The following ADGRG6 variants were observed in gnomAD, a reference collection of about 807,000 sequenced individuals.
ADGRG6 encodes adhesion G protein-coupled receptor G6.
ADGRG6 carries 84 observed loss-of-function variants against 142.4 expected under a neutral mutation model. The ratio of observed to expected loss-of-function variants is 0.59; its 90% CI spans 0.49 to 0.71. The LOEUF is 0.71. Ranked by LOEUF, ADGRG6 falls within the 30% of genes least tolerant of loss-of-function variation. The pLI is 0.00. For missense variants in ADGRG6, 1,367 were observed against 1,466.6 expected, an observed-to-expected ratio of 0.93 and a Z score of 1.11; for synonymous variants, 521 against 520.5, an observed-to-expected ratio of 1.00 and a Z score of -0.01.
Position 142,318,234 on chromosome 6 carries a change from A to T in ADGRG6, c.103+8590A>T, listed in dbSNP as rs376379437. Among the ~76,000 whole-genome samples, 90 of 44,144 alleles carry T rather than the reference A, an allele frequency of 2.0e-3. 2 individuals carry two copies. Among genetic ancestry groups the T allele is most frequent in the African/African-American group, 0.01 (82 of 8,076 alleles). The allele number at this position is 44,144 out of a possible 152,430, so 29.0% of individuals were successfully genotyped here. A position where few individuals can be genotyped will look rare whatever the true frequency, so the allele number is the denominator to read the frequency against. On this transcript the variant is annotated intron_variant, in intron 2 of 24. Transcript: ENST00000367609. The stretch of plus-strand genomic sequence containing the variant: ...TTTATATATTATATATATTTATATT[A>T]TATATATTTATATATTATATATATT...
intron 2 of ADGRG6, among the ~76,000 whole-genome samples, chr6:142,344,826 G>A (rs1165855943): frequency 6.6e-6 from 1 of 151,958 alleles, no homozygotes; most frequent in African/African-American, 2.4e-5. Context: ...TTCAGTATGA[G>A]TCTACAGTTG....
rs1779620761 is a variant in ADGRG6, at chr6:142,341,440, A to ATATAATATATATAAT, written c.104-26125_104-26124insATATATATAATTATA. On this transcript the variant is annotated intron_variant, in intron 2 of 24. Transcript: ENST00000367609. ...ATATAATTATATAATATATATAATT[A>ATATAATATATATAAT]TATATATAGTATATATAGTATATAT... is the stretch of plus-strand genomic sequence containing the variant. Among the ~76,000 whole-genome samples the ATATAATATATATAAT allele has an allele frequency of 4.2e-5, 5 of 119,386 alleles. No individual in the cohort carries two copies. The East Asian group carries it at 1.0e-3, about 25-fold the overall frequency. 78.3% of individuals were successfully genotyped at this position (119,386 alleles called of 152,430 possible).
rs756867648 is a variant in ADGRG6, at chr6:142,443,528, A to G, written c.*13A>G. The stretch of plus-strand genomic sequence containing the variant: ...CACAAAGTTTTAATGTCTTTAAGAA[A>G]AAGAAATCAATCTGCAGAAATGTGA... On this transcript the variant is annotated 3_prime_UTR_variant, in exon 25 of 25. Coordinates refer to ENST00000367609, the MANE Select transcript of ADGRG6 (RefSeq NM_198569.3). The G allele has an allele frequency of 2.0e-5, 31 of 1,579,582 alleles. No individual in the cohort carries two copies. Among genetic ancestry groups the G allele is most frequent in the East Asian group, 1.1e-4 (5 of 44,516 alleles).
At chr6:142,435,133 A>G (rs879563356) in intron 22 of ADGRG6, among the ~76,000 whole-genome samples, 3 of 152,170 alleles carry the variant, frequency 2.0e-5, no homozygotes, top group Non-Finnish European at 4.4e-5. Context: ...CCTTAAAAGG[A>G]CTGTCATAAG....
rs141900335 is a variant in ADGRG6 at position 142,417,387 on chromosome 6, T to C, written c.3035+18T>C. ...GATGAATTGTAAGTAATAAAAACTT[T>C]TTGTGATGAGTAGATATCCTTTGTT... On this transcript the variant is annotated intron_variant, in intron 21 of 24. Coordinates refer to ENST00000367609, the MANE Select transcript of ADGRG6 (RefSeq NM_198569.3). 5.9e-5 allele frequency: 64 copies of C among 1,085,120 alleles called. No individual in the cohort carries two copies. Among genetic ancestry groups the C allele is most frequent in the Admixed American group, 9.1e-5 (5 of 54,892 alleles). The allele number at this position is 1,085,120 out of a possible 1,614,324, so 67.2% of individuals were successfully genotyped here.
rs1562359895 is a variant in ADGRG6 at position 142,390,353 on chromosome 6, C to CTTT, written c.1308+12_1308+13insTTT. ...CAAGGTGGCAGAATGGGTAAGTGAG[C>CTTT]TTGTAACTTTTCTTTTTTAAAAAAA... On this transcript the variant is annotated intron_variant, in intron 7 of 24. Transcript: ENST00000367609. 1.3e-6 allele frequency: 2 copies of CTTT among 1,519,954 alleles called. No homozygotes were observed. Among genetic ancestry groups the CTTT allele is most frequent in the African/African-American group, 2.8e-5 (2 of 72,126 alleles). 94.2% of individuals were successfully genotyped at this position (1,519,954 alleles called of 1,614,324 possible).
chr6:142,435,740 G>T (rs997171873), intron 22 of ADGRG6, among the ~76,000 whole-genome samples: 4 of 152,080 alleles, frequency 2.6e-5, no homozygotes, highest in African/African-American at 7.2e-5. Context: ...AGGAATAAAT[G>T]AATAAATGAG....
At chr6:142,365,243 C>G (rs1269273255) in intron 2 of ADGRG6, among the ~76,000 whole-genome samples, 1 of 152,164 alleles carries the variant, frequency 6.6e-6, no homozygotes, top group Admixed American at 6.5e-5. Flanking sequence ...CCCAACACCC[C>G]ACCCAAAGAG....
At chr6:142,440,829 C>T (rs1777723550) in intron 24 of ADGRG6, 6 of 728,774 alleles carry the variant, frequency 8.2e-6, no homozygotes, top group Non-Finnish European at 1.2e-5. Context: ...GTATGCAAAA[C>T]GTCACTGCAT....
At chr6:142,410,908 A>C (rs1776047790) in intron 17 of ADGRG6, among the ~76,000 whole-genome samples, 1 of 151,948 alleles carries the variant, frequency 6.6e-6, no homozygotes. Context: ...AAGAAAGCAA[A>C]CCTTCTTTGT....
Position 142,302,349 on chromosome 6 carries a change from G to A in ADGRG6, c.2+18G>A, listed in dbSNP as rs1347784667. On this transcript the variant is annotated intron_variant, in intron 1 of 24. Transcript: ENST00000367609. ...GTCAACATGTAAGTCTCACCTTTCA[G>A]CTTGGAATTCCTTCACTCTTTTATC... The A allele has an allele frequency of 1.2e-6, 2 of 1,612,072 alleles. No homozygotes were observed. The highest frequency in any genetic ancestry group is 1.7e-5 in the Admixed American group (1 of 59,770).
intron 4 of ADGRG6, among the ~76,000 whole-genome samples, chr6:142,378,701 C>T (rs985048047): frequency 2.6e-5 from 4 of 152,252 alleles, no homozygotes; most frequent in East Asian, 1.9e-4. Context: ...TGCATTCACT[C>T]GTCAGACCTT....
At chr6:142,331,794 C>A (rs951417821) in intron 2 of ADGRG6, among the ~76,000 whole-genome samples, 6 of 151,832 alleles carry the variant, frequency 4.0e-5, no homozygotes, top group African/African-American at 1.5e-4. Context: ...TTGCTAGCAC[C>A]CCCTCACTCC....
At chr6:142,329,799 T>C (rs1418838444) in intron 2 of ADGRG6, among the ~76,000 whole-genome samples, 2 of 152,212 alleles carry the variant, frequency 1.3e-5, no homozygotes, top group African/African-American at 4.8e-5. Context: ...CCTTAAGATA[T>C]CTTATTCTTC....
intron 2 of ADGRG6, among the ~76,000 whole-genome samples, chr6:142,344,807 A>G (rs1779816292): frequency 6.6e-6 from 1 of 152,002 alleles, no homozygotes; most frequent in African/African-American, 2.4e-5. Context: ...CATTTCTAAT[A>G]TACTGATATT....
chr6:142,407,764 A>G (rs566762219), intron 15 of ADGRG6, among the ~76,000 whole-genome samples: 1 of 152,290 alleles, frequency 6.6e-6, no homozygotes, highest in East Asian at 1.9e-4. Flanking sequence ...TATTTTCTTC[A>G]TACTTCTCTG....
Position 142,367,554 on chromosome 6 carries a change from T to A in ADGRG6, c.104-15T>A. 6.2e-7 allele frequency: 1 copy of A among 1,605,332 alleles called. No homozygotes were observed. Among genetic ancestry groups the A allele is most frequent in the African/African-American group, 1.3e-5 (1 of 74,782 alleles). ...CCCAGCCCTTCTCTCTGTCTCTCTT[T>A]TGTCTGGCCAGCAGTGTGGGGATGT... On this transcript the variant is annotated splice_polypyrimidine_tract_variant and intron_variant, in intron 2 of 24. Coordinates refer to ENST00000367609, the MANE Select transcript of ADGRG6 (RefSeq NM_198569.3).
intron 22 of ADGRG6, among the ~76,000 whole-genome samples, chr6:142,436,349 T>C (rs1051957171): frequency 1.3e-5 from 2 of 152,112 alleles, no homozygotes; most frequent in African/African-American, 4.8e-5. Context: ...ACCTTGAGAA[T>C]GAAGGGCTGT....
At chr6:142,438,493 C>T (rs1318721355) in intron 24 of ADGRG6, 129 bp downstream of exon 24, 5 of 524,632 alleles carry the variant, frequency 9.5e-6, no homozygotes, top group Non-Finnish European at 9.5e-6. Context: ...AATAAAAATC[C>T]GTTTGAAGAC....
Sources: gnomAD v4.1 joint callset for allele counts (sites outside exome capture counted in the v4.1 genomes callset) on GRCh38, gnomAD v4.1.1 for gene constraint, MANE v1.5 for transcripts, NCBI Gene and HGNC (gene_info 2026-07-23, HGNC 2026-07-21) for gene names.